Variants in PAIP1 observed in about 807,000 individuals in gnomAD.
PAIP1 encodes the protein polyadenylate-binding protein-interacting protein 1.
In PAIP1, 16 loss-of-function variants were observed where a neutral mutation model predicts 61.3. The ratio of observed to expected loss-of-function variants is 0.26; its 90% CI spans 0.18 to 0.40. The LOEUF (loss-of-function observed/expected upper bound fraction) is 0.40. Among genes scored for constraint, PAIP1 ranks in the 10% least tolerant of loss-of-function variants. PAIP1 has a pLI of 1.00. For missense variants in PAIP1, 416 were observed against 600.9 expected (o/e 0.69, Z 3.22); for synonymous variants, 187 against 226.2 (o/e 0.83, Z 1.56).
Position 43,526,791 on chromosome 5 carries a change from A to G in PAIP1, c.*585T>C, listed in dbSNP as rs968554335. ...GTGAAGTCTTGGTTGTTTAGCTGGG[A>G]GTTCACCAAGTTGGGTTTTTCCCCC... is the stretch of plus-strand genomic sequence containing the variant. On this transcript the variant is annotated 3_prime_UTR_variant, in exon 11 of 11. Transcript: ENST00000306846. 6.6e-6 allele frequency: 1 copy of G among 152,128 alleles called. No homozygotes were observed. The highest frequency in any genetic ancestry group is 2.4e-5 in the African/African-American group (1 of 41,452). The allele number at this position is 152,128 out of a possible 1,614,324, so 9.4% of individuals were successfully genotyped here. A position where few individuals can be genotyped will look rare whatever the true frequency, so the allele number is the denominator to read the frequency against.
intron 3 of PAIP1, among the ~76,000 whole-genome samples, chr5:43,544,020 G>A (rs920004965): frequency 1.2e-4 from 18 of 151,872 alleles, no homozygotes; most frequent in Non-Finnish European, 2.1e-4. Context: ...AGCATGCACC[G>A]TAGTCCCAGC....
Position 43,556,847 on chromosome 5 carries a change from GCTCCTCCTCCTCCGC to G in PAIP1, c.-16_-2del, listed in dbSNP as rs1561241376. On this transcript the variant is annotated 5_prime_UTR_variant, in exon 1 of 11. Transcript: ENST00000306846. ...GGGCCCGATCGAAACCGTCCGACAT[GCTCCTCCTCCTCCGC>G]CTCCTCCTCCAGGGGCCGCTGCCGC... is the stretch of plus-strand genomic sequence containing the variant. 15 of 1,432,434 alleles carry G rather than the reference GCTCCTCCTCCTCCGC, an allele frequency of 1.0e-5. No individual in the cohort carries two copies. The highest frequency in any genetic ancestry group is 1.5e-5 in the African/African-American group (1 of 66,706). 88.7% of individuals were successfully genotyped at this position (1,432,434 alleles called of 1,614,324 possible).
intron 3 of PAIP1, among the ~76,000 whole-genome samples, chr5:43,545,070 T>C (rs774471696): frequency 7.2e-5 from 11 of 152,250 alleles, no homozygotes; most frequent in Non-Finnish European, 1.0e-4. Context: ...ATTACACTGC[T>C]TTTACTTTTG....
intron 7 of PAIP1, 24 bp downstream of exon 7, chr5:43,535,510 T>C: frequency 8.2e-7 from 1 of 1,225,778 alleles, no homozygotes; most frequent in East Asian, 2.3e-5. Flanking sequence ...ATGCACTGGC[T>C]ATTTACATTA....
chr5:43,531,676 A>AAAAAAAAAAAG lies in PAIP1; in HGVS notation c.1253-1798_1253-1797insCTTTTTTTTTT, dbSNP rs70997407. ...TGTCTCAAAAAAAAAAAAAAAAAAA[A>AAAAAAAAAAAG]AGAGAAAAAAAGAAAAGTGTGTGGA... On this transcript the variant is annotated intron_variant, in intron 9 of 10. Coordinates refer to ENST00000306846, the MANE Select transcript of PAIP1 (RefSeq NM_006451.5). Among the ~76,000 whole-genome samples, 57 of 143,088 alleles carry AAAAAAAAAAAG rather than the reference A, an allele frequency of 4.0e-4. 1 individual carries two copies. The East Asian group carries it at 4.1e-3, about 10-fold the overall frequency. The allele number at this position is 143,088 out of a possible 152,430, so 93.9% of individuals were successfully genotyped here.
At chr5:43,554,792 G>A (rs1449061866) in intron 2 of PAIP1, among the ~76,000 whole-genome samples, 7 of 152,090 alleles carry the variant, frequency 4.6e-5, no homozygotes, top group Admixed American at 1.3e-4. Flanking sequence ...GCTAAAGCTG[G>A]CTACCCTAAG....
intron 3 of PAIP1, among the ~76,000 whole-genome samples, chr5:43,547,459 T>C (rs1260568570): frequency 6.6e-6 from 1 of 152,210 alleles, no homozygotes; most frequent in Non-Finnish European, 1.5e-5. Flanking sequence ...TTCTATACTA[T>C]ACTGCTTGTA....
intron 8 of PAIP1, 115 bp from the exon 9 acceptor site, chr5:43,533,907 C>A (rs1158131523): frequency 4.4e-6 from 3 of 687,246 alleles, no homozygotes; most frequent in Non-Finnish European, 8.0e-6. Context: ...CAAGAACAAG[C>A]AAAGGAACCT....
intron 3 of PAIP1, among the ~76,000 whole-genome samples, chr5:43,544,804 C>T: frequency 6.6e-6 from 1 of 152,192 alleles, no homozygotes; most frequent in East Asian, 1.9e-4. Flanking sequence ...CCCCCTTCAG[C>T]TGTAATATAC....
intron 5 of PAIP1, 96 bp from the exon 6 acceptor site, chr5:43,537,040 A>G (rs1747184148): frequency 1.2e-6 from 1 of 818,082 alleles, no homozygotes; most frequent in East Asian, 2.8e-5. Context: ...TAAGCATTTT[A>G]GCTAAATCAC....
rs574337625 is a variant in PAIP1 at position 43,538,348 on chromosome 5, C to A, written c.846+576G>T. Among the ~76,000 whole-genome samples the A allele has an allele frequency of 1.1e-3, 173 of 152,070 alleles. 2 individuals carry two copies. The highest frequency in any genetic ancestry group is 3.4e-3 in the Middle Eastern group (1 of 294). Reference sequence around the variant, plus strand: ...AAAACTGCTAAAAATTTTAAGTGTTCTTAACACAAAAAAGTATGTCAAGTA... The same window carrying A: ...AAAACTGCTAAAAATTTTAAGTGTTATTAACACAAAAAAGTATGTCAAGTA... On this transcript the variant is annotated intron_variant, in intron 5 of 10. Transcript: ENST00000306846.
intron 4 of PAIP1, among the ~76,000 whole-genome samples, chr5:43,540,919 A>C (rs886068156): frequency 3.9e-5 from 6 of 152,056 alleles, no homozygotes; most frequent in African/African-American, 1.2e-4. Flanking sequence ...GGTAACTCTA[A>C]GGCACAGCCG....
chr5:43,529,454 A>G (rs1259254636), intron 10 of PAIP1, among the ~76,000 whole-genome samples: 1 of 152,006 alleles, frequency 6.6e-6, no homozygotes, highest in Non-Finnish European at 1.5e-5. Flanking sequence ...CCCAAGCTGG[A>G]GTGCAGTGGC....
At chr5:43,547,671 A>G in intron 3 of PAIP1, 57 bp downstream of exon 3, 1 of 1,100,074 alleles carries the variant, frequency 9.1e-7, no homozygotes, top group Admixed American at 2.1e-5. Context: ...AGTAGCCACT[A>G]TCCTTGGGCT....
Position 43,556,018 on chromosome 5 carries a change from C to T in PAIP1, c.266-19G>A, listed in dbSNP as rs1307120304. On this transcript the variant is annotated intron_variant, in intron 1 of 10. Coordinates refer to ENST00000306846, the MANE Select transcript of PAIP1 (RefSeq NM_006451.5). ...GTTTGCTCTGCAAAAGAAAAAAAAA[C>T]GGGGCGTCAGATGCATTCTTTCCTT... The T allele has an allele frequency of 2.5e-6, 4 of 1,599,652 alleles. No homozygotes were observed. Among genetic ancestry groups the T allele is most frequent in the Admixed American group, 1.8e-5 (1 of 56,734 alleles).
rs1394809630 is a variant in PAIP1 at position 43,531,673 on chromosome 5, AAAAAG to A, written c.1253-1799_1253-1795del. 1.1e-3 allele frequency among the ~76,000 whole-genome samples: 157 copies of A among 148,468 alleles called. 3 individuals are homozygous for A. Among genetic ancestry groups the A allele is most frequent in the Non-Finnish European group, 1.8e-3 (123 of 66,856 alleles). On this transcript the variant is annotated intron_variant, in intron 9 of 10. Transcript: ENST00000306846. ...CTCTGTCTCAAAAAAAAAAAAAAAA[AAAAAG>A]AGAAAAAAAGAAAAGTGTGTGGAAA...
At chr5:43,544,099 C>T (rs1053268240) in intron 3 of PAIP1, among the ~76,000 whole-genome samples, 22 of 144,766 alleles carry the variant, frequency 1.5e-4, no homozygotes, top group Admixed American at 2.9e-4. Context: ...GCTGTGGTCA[C>T]GCCACTGCAC....
chr5:43,535,179 A>T (rs558733645), intron 7 of PAIP1, among the ~76,000 whole-genome samples: 10 of 152,344 alleles, frequency 6.6e-5, no homozygotes, highest in African/African-American at 2.4e-4. Flanking sequence ...TATGGACCTT[A>T]AAGGCAGTGG....
intron 9 of PAIP1, 127 bp downstream of exon 9, chr5:43,533,611 C>A (rs757076228): frequency 4.1e-6 from 3 of 731,100 alleles, no homozygotes; most frequent in Admixed American, 2.0e-5. Flanking sequence ...AACCATTACA[C>A]TGGTATTTTA....
Sources: gnomAD v4.1 joint callset for allele counts (sites outside exome capture counted in the v4.1 genomes callset) on GRCh38, gnomAD v4.1.1 for gene constraint, MANE v1.5 for transcripts, NCBI Gene and HGNC (gene_info 2026-07-23, HGNC 2026-07-21) for gene names.